Variants in FER observed in about 807,000 individuals in gnomAD.
FER encodes the protein FER tyrosine kinase.
Under a neutral mutation model 111.0 loss-of-function variants are expected in FER, and 63 were observed. The ratio of observed to expected loss-of-function variants is 0.57; its 90% confidence interval spans 0.46 to 0.70. FER has a LOEUF of 0.70. Ranked by LOEUF, FER falls within the 30% of genes least tolerant of loss-of-function variation. The pLI, the probability that FER is intolerant of heterozygous loss-of-function variation, is 0.00. For missense variants in FER, 914 were observed against 954.0 expected (o/e 0.96, Z 0.55); for synonymous variants, 327 against 313.9 (o/e 1.04, Z -0.44).
chr5:109,185,199 C>A, intron 18 of FER, among the ~76,000 whole-genome samples: 1 of 152,044 alleles, frequency 6.6e-6, no homozygotes, highest in Admixed American at 6.5e-5. Flanking sequence ...TAGGAGACTA[C>A]CAAAAAAATT....
At chr5:109,079,287 T>C (rs1776720740) in intron 16 of FER, among the ~76,000 whole-genome samples, 1 of 151,990 alleles carries the variant, frequency 6.6e-6, no homozygotes, top group Non-Finnish European at 1.5e-5. Flanking sequence ...GAAGAAACTG[T>C]CCATGAAGGT....
chr5:109,028,126 A>C (rs931678047), intron 13 of FER, among the ~76,000 whole-genome samples: 5 of 152,312 alleles, frequency 3.3e-5, no homozygotes, highest in African/African-American at 1.2e-4. Flanking sequence ...TTTAGGTTAC[A>C]GATTACATAA....
At chr5:109,182,208 G>A (rs570685358) in intron 18 of FER, among the ~76,000 whole-genome samples, 7 of 152,272 alleles carry the variant, frequency 4.6e-5, no homozygotes, top group African/African-American at 1.7e-4. Flanking sequence ...GTAATTTTAT[G>A]TTTAACTTTT....
chr5:108,838,544 T>C (rs1031825744), intron 5 of FER, among the ~76,000 whole-genome samples: 12 of 152,052 alleles, frequency 7.9e-5, no homozygotes, highest in Admixed American at 7.9e-4. Context: ...AGTTCAGCAG[T>C]AGTAGTAGTA....
At chr5:108,958,336 A>G (rs1758701502) in intron 12 of FER, among the ~76,000 whole-genome samples, 2 of 151,730 alleles carry the variant, frequency 1.3e-5, no homozygotes, top group Admixed American at 6.6e-5. Context: ...GTACTCCCAT[A>G]TCTGTATTTG....
chr5:109,145,635 A>T (rs1754006147), intron 17 of FER, among the ~76,000 whole-genome samples: 1 of 152,096 alleles, frequency 6.6e-6, no homozygotes, highest in Admixed American at 6.6e-5. Flanking sequence ...AAGATCTAAC[A>T]TTCAAAAATA....
At position 109,194,398 on chromosome 5, in the gene FER, T is replaced by TA. The variant is rs149849969; in HGVS notation, c.*6824dup. The TA allele has an allele frequency of 1.3e-5, 2 of 152,336 alleles. No homozygotes were observed. The highest frequency in any genetic ancestry group is 2.4e-5 in the African/African-American group (1 of 41,570). The allele number at this position is 152,336 out of a possible 1,614,324, so 9.4% of individuals were successfully genotyped here. A position where few individuals can be genotyped will look rare whatever the true frequency, so the allele number is the denominator to read the frequency against. On this transcript the variant is annotated 3_prime_UTR_variant, in exon 20 of 20. Coordinates refer to ENST00000281092, the MANE Select transcript of FER (RefSeq NM_005246.4). The stretch of plus-strand genomic sequence containing the variant: ...AGAGCACATTGCATGAAAATACCTG[T>TA]ACTCTGCAGTTCCTCAAAGCAGTAT...
chr5:109,009,735 G>T (rs1359138813), intron 13 of FER, among the ~76,000 whole-genome samples: 3 of 152,202 alleles, frequency 2.0e-5, no homozygotes, highest in African/African-American at 7.2e-5. Flanking sequence ...TCTTTGGGTT[G>T]ACTGGGTGGA....
chr5:109,196,496 G>A lies in FER; in HGVS notation c.*8921G>A, dbSNP rs960191181. 4 of 152,198 alleles carry A rather than the reference G, an allele frequency of 2.6e-5. No individual in the cohort carries two copies. The highest frequency in any genetic ancestry group is 9.6e-5 in the African/African-American group (4 of 41,454). The allele number at this position is 152,198 out of a possible 1,614,324, so 9.4% of individuals were successfully genotyped here. On this transcript the variant is annotated 3_prime_UTR_variant, in exon 20 of 20. Transcript: ENST00000281092. ...AAAGTTCAGTGTAAAACACAAACAA[G>A]GCTTTGGCGGGTTTATCTGGCTTTA...
chr5:109,139,372 G>A (rs1360875895), intron 17 of FER, among the ~76,000 whole-genome samples: 1 of 76,610 alleles, frequency 1.3e-5, no homozygotes, highest in South Asian at 3.9e-4. Flanking sequence ...TTTTTTTGAG[G>A]CAGAGTCTCG....
intron 5 of FER, among the ~76,000 whole-genome samples, chr5:108,861,335 A>G (rs1023796755): frequency 6.6e-6 from 1 of 152,168 alleles, no homozygotes; most frequent in African/African-American, 2.4e-5. Context: ...TAAATGTCAA[A>G]CTTACATAAT....
At chr5:109,151,066 G>C (rs1754785583) in intron 17 of FER, among the ~76,000 whole-genome samples, 1 of 152,058 alleles carries the variant, frequency 6.6e-6, no homozygotes, top group African/African-American at 2.4e-5. Flanking sequence ...TAGAAAAATA[G>C]TCTAAAATGG....
At chr5:108,897,586 T>G in intron 9 of FER, 73 bp from the exon 10 acceptor site, 2 of 1,095,788 alleles carry the variant, frequency 1.8e-6, no homozygotes, top group Non-Finnish European at 2.4e-6. Context: ...AAGAAAAGCA[T>G]AATTTACATA....
At chr5:109,115,653 T>TTTGTTTG (rs1750141653) in intron 17 of FER, among the ~76,000 whole-genome samples, 1 of 151,212 alleles carries the variant, frequency 6.6e-6, no homozygotes, top group Admixed American at 6.6e-5. Context: ...TTTGTGCAGT[T>TTTGTTTG]TTTGTTTGTT....
At chr5:109,060,286 C>T (rs1428274449) in intron 16 of FER, among the ~76,000 whole-genome samples, 1 of 152,084 alleles carries the variant, frequency 6.6e-6, no homozygotes, top group Non-Finnish European at 1.5e-5. Context: ...AACTAAGCTT[C>T]AATATACTTC....
chr5:108,774,649 G>A (rs895327478), intron 2 of FER, among the ~76,000 whole-genome samples: 5 of 152,030 alleles, frequency 3.3e-5, no homozygotes, highest in Admixed American at 6.6e-5. Flanking sequence ...TTTCTTTAAC[G>A]ATCAGTGGAG....
intron 1 of FER, among the ~76,000 whole-genome samples, chr5:108,764,014 G>T (rs1471702212): frequency 1.3e-5 from 2 of 152,066 alleles, no homozygotes; most frequent in African/African-American, 4.8e-5. Flanking sequence ...TGTTCAATTT[G>T]GGTAACATAC....
chr5:108,791,732 T>G (rs1714413038), intron 2 of FER, among the ~76,000 whole-genome samples: 1 of 152,194 alleles, frequency 6.6e-6, no homozygotes, highest in Non-Finnish European at 1.5e-5. Flanking sequence ...GTGCTTTTGT[T>G]GTTGTATCTA....
At chr5:109,112,267 AG>A (rs550235460) in intron 17 of FER, among the ~76,000 whole-genome samples, 165 of 152,278 alleles carry the variant, frequency 1.1e-3, no homozygotes, top group African/African-American at 3.7e-3. Flanking sequence ...TTAGATACCA[AG>A]GTATATTAGA....
Sources: gnomAD v4.1 joint callset for allele counts (sites outside exome capture counted in the v4.1 genomes callset) on GRCh38, gnomAD v4.1.1 for gene constraint, MANE v1.5 for transcripts, NCBI Gene and HGNC (gene_info 2026-07-23, HGNC 2026-07-21) for gene names.